PAX2: variants seen among roughly 807,000 people sequenced by gnomAD.
PAX2 encodes paired box protein Pax-2.
PAX2 carries 9 observed loss-of-function variants against 41.7 expected under a neutral mutation model. That is an observed-to-expected ratio of 0.22 (90% confidence interval 0.13 to 0.38). The LOEUF is 0.38. Ranked by LOEUF, PAX2 falls within the 10% of genes least tolerant of loss-of-function variation. PAX2 has a pLI of 1.00. For synonymous variants in PAX2, 221 were observed against 212.7 expected (o/e 1.04, Z -0.34); for missense variants, 418 against 531.6 (o/e 0.79, Z 2.10).
At position 100,750,374 on chromosome 10, in the gene PAX2, A is replaced by G. The variant is rs999884063; in HGVS notation, c.213-320A>G. Among the ~76,000 whole-genome samples the G allele has an allele frequency of 2.0e-5, 3 of 152,086 alleles. No homozygotes were observed. The East Asian group carries it at 5.8e-4, about 29-fold the overall frequency. ...TGGTGCCTCAACCCTGGCCTCCCAG[A>G]GACCTTGCAGCGCTGTTCGTTTTGC... On this transcript the variant is annotated intron_variant, in intron 2 of 9. Transcript: ENST00000355243. The surrounding 1 kb of genome is among the most constrained non-coding windows in gnomAD (Gnocchi z 4.1).
Position 100,806,486 on chromosome 10 carries a change from C to A in PAX2, c.673C>A (p.Arg225=). Residue 225 remains arginine (R), a synonymous_variant, in exon 6 of 10, where the codon CGG becomes AGG. Coordinates refer to ENST00000355243, the MANE Select transcript of PAX2 (RefSeq NM_000278.5). ...TTCCCAGAGTGGTGTGGACAGTTTG[C>A]GGAAGCACTTGCGAGCTGACACCTT... ...GDSQSGVDSL[R]KHLRADTFTQ... 6.2e-7 allele frequency: 1 copy of A among 1,614,174 alleles called. No homozygotes were observed. The highest frequency in any genetic ancestry group is 8.5e-7 in the Non-Finnish European group (1 of 1,180,008).
chr10:100,763,378 A>G (rs886611586), intron 3 of PAX2, among the ~76,000 whole-genome samples: 1 of 152,256 alleles, frequency 6.6e-6, no homozygotes, highest in Non-Finnish European at 1.5e-5. Context: ...GAATCAACAC[A>G]TTGGGAAACA....
At chr10:100,804,400 C>T (rs749851206) in intron 5 of PAX2, among the ~76,000 whole-genome samples, 14 of 152,254 alleles carry the variant, frequency 9.2e-5, no homozygotes, top group Middle Eastern at 3.4e-3. Context: ...TGTGAACACA[C>T]GCTCACAAAT....
At chr10:100,779,438 G>A in intron 3 of PAX2, 60 bp from the exon 4 acceptor site, 1 of 1,394,956 alleles carries the variant, frequency 7.2e-7, no homozygotes, top group Non-Finnish European at 1.0e-6. Flanking sequence ...GGGCTGGGCT[G>A]GAATTGGCCG....
At chr10:100,745,076 G>C (rs952651812), upstream of PAX2, among the ~76,000 whole-genome samples, 1 of 152,092 alleles carries the variant, frequency 6.6e-6, no homozygotes, top group African/African-American at 2.4e-5. Flanking sequence ...CTAGGGATGC[G>C]CACTGGGCCC....
At chr10:100,808,142 C>G (rs1209936221) in intron 6 of PAX2, among the ~76,000 whole-genome samples, 2 of 152,140 alleles carry the variant, frequency 1.3e-5, no homozygotes, top group African/African-American at 4.8e-5. Context: ...AAATCCGAAG[C>G]CTAATTGAGT....
chr10:100,754,955 A>G (rs538054697), intron 3 of PAX2, among the ~76,000 whole-genome samples: 1 of 152,300 alleles, frequency 6.6e-6, no homozygotes, highest in East Asian at 1.9e-4. Context: ...TTCTATCCAC[A>G]GAGGAATGGC....
In PAX2 at chr10:100,824,243, C is replaced by T. The variant is rs1441767838; in HGVS notation, c.920-405C>T. On this transcript the variant is annotated intron_variant, in intron 7 of 9. Transcript: ENST00000355243. This position sits in a 1 kb window ranked among gnomAD's most constrained non-coding sequence, Gnocchi z 6.6. Reference sequence around the variant, plus strand: ...AAGATGATAGAGGTCCATTTGGCTGCTGGAGAGACCACAGCTGAATATCTT... The same window carrying T: ...AAGATGATAGAGGTCCATTTGGCTGTTGGAGAGACCACAGCTGAATATCTT... 6.6e-6 allele frequency among the ~76,000 whole-genome samples: 1 copy of T among 151,950 alleles called. No homozygotes were observed. Among genetic ancestry groups the T allele is most frequent in the Non-Finnish European group, 1.5e-5 (1 of 67,994 alleles).
intron 5 of PAX2, among the ~76,000 whole-genome samples, chr10:100,797,521 T>A (rs986026765): frequency 3.3e-5 from 5 of 152,250 alleles, no homozygotes; most frequent in African/African-American, 1.2e-4. Flanking sequence ...TGTAAGATTA[T>A]CAGAGGAGTG....
At chr10:100,771,552 T>C (rs1308581893) in intron 3 of PAX2, among the ~76,000 whole-genome samples, 6 of 152,200 alleles carry the variant, frequency 3.9e-5, no homozygotes, top group African/African-American at 1.4e-4. Flanking sequence ...TCCTGGGGTA[T>C]ACAAAGGGGG....
chr10:100,769,152 G>T lies in PAX2; in HGVS notation c.411-10346G>T, dbSNP rs1846123566. Among the ~76,000 whole-genome samples, 3 of 152,216 alleles carry T rather than the reference G, an allele frequency of 2.0e-5. No individual in the cohort carries two copies. In the South Asian group the frequency reaches 6.2e-4, roughly 31 times the overall value. ...ATTCTGGCTCTGTTACTTAACAGCT[G>T]TGTGACCTTCCGTAAGTTACCTAAC... On this transcript the variant is annotated intron_variant, in intron 3 of 9. Transcript: ENST00000355243.
chr10:100,750,592 C>A lies in PAX2; in HGVS notation c.213-102C>A. On this transcript the variant is annotated intron_variant, in intron 2 of 9. Coordinates refer to ENST00000355243, the MANE Select transcript of PAX2 (RefSeq NM_000278.5). The surrounding 1 kb of genome is among the most constrained non-coding windows in gnomAD (Gnocchi z 4.1). ...TGGGCCTTTTCCCTCCACTCCGCTG[C>A]CTCGGCCGGGCAGGAGAGTGGCTCA... The A allele has an allele frequency of 9.5e-7, 1 of 1,057,216 alleles. No individual in the cohort carries two copies. Among genetic ancestry groups the A allele is most frequent in the Non-Finnish European group, 1.4e-6 (1 of 703,876 alleles). The allele number at this position is 1,057,216 out of a possible 1,614,324, so 65.5% of individuals were successfully genotyped here.
At chr10:100,801,230 TCA>T (rs1847552613) in intron 5 of PAX2, among the ~76,000 whole-genome samples, 1 of 152,164 alleles carries the variant, frequency 6.6e-6, no homozygotes, top group Admixed American at 6.5e-5. Flanking sequence ...ACTCTGAGCC[TCA>T]GTTTCCTCCC....
intron 5 of PAX2, chr10:100,787,145 GGA>G (rs1846901649): frequency 4.8e-6 from 2 of 416,994 alleles, no homozygotes; most frequent in South Asian, 3.9e-5. Flanking sequence ...GCTTCCACTG[GGA>G]GACCTGGAGG....
At position 100,813,393 on chromosome 10, in the gene PAX2, A is replaced by T. The variant is rs112103276; in HGVS notation, c.919+4157A>T. 1.6e-3 allele frequency among the ~76,000 whole-genome samples: 241 copies of T among 151,810 alleles called. 1 individual carries two copies. The highest frequency in any genetic ancestry group is 5.4e-3 in the African/African-American group (225 of 41,370). ...AAAATGTTAATACGCAGCAAATCTCACTCTTTGGTGCCAGAAATAGAGGGG... is the reference window on the plus strand; with the variant it reads ...AAAATGTTAATACGCAGCAAATCTCTCTCTTTGGTGCCAGAAATAGAGGGG... On this transcript the variant is annotated intron_variant, in intron 7 of 9. Coordinates refer to ENST00000355243, the MANE Select transcript of PAX2 (RefSeq NM_000278.5).
chr10:100,789,492 C>T (rs1360188974), intron 5 of PAX2, among the ~76,000 whole-genome samples: 1 of 152,214 alleles, frequency 6.6e-6, no homozygotes, highest in African/African-American at 2.4e-5. Context: ...TAGCACATCA[C>T]AGACTCTCCC....
At chr10:100,779,833 C>G (rs895689159) in intron 4 of PAX2, among the ~76,000 whole-genome samples, 7 of 151,322 alleles carry the variant, frequency 4.6e-5, no homozygotes, top group African/African-American at 1.7e-4. Flanking sequence ...CTCTCCCCTC[C>G]TCTCCTCTCT....
intron 3 of PAX2, among the ~76,000 whole-genome samples, chr10:100,771,424 G>A (rs1466797303): frequency 6.6e-6 from 1 of 152,200 alleles, no homozygotes. Context: ...GCAGCCAGAG[G>A]CTACAAAAAC....
chr10:100,742,851 T>C (rs1845017257), upstream of PAX2, among the ~76,000 whole-genome samples: 2 of 39,384 alleles, frequency 5.1e-5, no homozygotes, highest in African/African-American at 2.7e-4. Context: ...TCCTTTTTTT[T>C]TTTTTTTTTT....
Sources: gnomAD v4.1 joint callset for allele counts (sites outside exome capture counted in the v4.1 genomes callset) on GRCh38, gnomAD v4.1.1 for gene constraint, Gnocchi (gnomAD v3.1) non-coding constraint, MANE v1.5 for transcripts, NCBI Gene and HGNC (gene_info 2026-07-23, HGNC 2026-07-21) for gene names.